Variants in TFDP2 observed in about 807,000 individuals in gnomAD.
TFDP2 encodes transcription factor Dp-2.
Under a neutral mutation model 59.3 loss-of-function variants are expected in TFDP2, and 17 were observed. That is an observed-to-expected ratio of 0.29 (90% CI 0.20 to 0.43). The LOEUF (loss-of-function observed/expected upper bound fraction) is 0.43. Ranked by LOEUF, TFDP2 falls within the 20% of genes least tolerant of loss-of-function variation. The pLI is 1.00. For synonymous variants in TFDP2, 180 were observed against 194.7 expected (o/e 0.92, Z 0.63); for missense variants, 391 against 528.8 (o/e 0.74, Z 2.56).
chr3:141,963,891 T>C lies in TFDP2; in HGVS notation c.805A>G (p.Asn269Asp). The change falls in exon 10 of 13, where the codon AAC becomes GAC. Residue 269 changes from asparagine to aspartate, a missense_variant. Coordinates refer to ENST00000489671, the MANE Select transcript of TFDP2 (RefSeq NM_001178139.2). Reference sequence around the variant, plus strand: ...ATGAATGGCAGCTGAATGGTAGAGTTCAGAGCCGGCGGGCCCTGGTTTTGC... The same window carrying C: ...ATGAATGGCAGCTGAATGGTAGAGTCCAGAGCCGGCGGGCCCTGGTTTTGC... ...EQQNQGPPAL[N>D]STIQLPFIII... 1 of 1,613,858 alleles carries C rather than the reference T, an allele frequency of 6.2e-7. No individual in the cohort carries two copies. Among genetic ancestry groups the C allele is most frequent in the Non-Finnish European group, 8.5e-7 (1 of 1,179,996 alleles).
rs546764929 is a variant in TFDP2 at position 142,064,718 on chromosome 3, T to TA, written c.82+28342dup. ...AAGTGTCACTGGATGTTATCCAATG[T>TA]AAAACAACGTCACTGAAAAAAGGGA... On this transcript the variant is annotated intron_variant, in intron 3 of 12. Transcript: ENST00000489671. 3.9e-3 allele frequency among the ~76,000 whole-genome samples: 594 copies of TA among 152,268 alleles called. 1 individual carries two copies. The highest frequency in any genetic ancestry group is 0.014 in the African/African-American group (562 of 41,538).
chr3:141,949,143 A>G lies in TFDP2; in HGVS notation c.*3370T>C, dbSNP rs916536672. ...GATAGGAGCTACCTTGTTTTCAAGG[A>G]CTGACTCTGGCATTATTTTTCAAAT... On this transcript the variant is annotated 3_prime_UTR_variant, in exon 13 of 13. Coordinates refer to ENST00000489671, the MANE Select transcript of TFDP2 (RefSeq NM_001178139.2). The G allele has an allele frequency of 1.3e-5, 2 of 151,880 alleles. No individual in the cohort carries two copies. The highest frequency in any genetic ancestry group is 4.1e-4 in the South Asian group (2 of 4,824). 9.4% of individuals were successfully genotyped at this position (151,880 alleles called of 1,614,324 possible).
chr3:141,968,374 C>T (rs1347068350), intron 9 of TFDP2, among the ~76,000 whole-genome samples: 2 of 98,686 alleles, frequency 2.0e-5, no homozygotes, highest in East Asian at 2.7e-4. Flanking sequence ...TCATATATAA[C>T]ATATATCTCA....
chr3:142,014,809 C>T (rs1303480297), intron 3 of TFDP2, among the ~76,000 whole-genome samples: 1 of 152,144 alleles, frequency 6.6e-6, no homozygotes, highest in Non-Finnish European at 1.5e-5. Context: ...TTTCTTCCAT[C>T]TCAAAAACAA....
chr3:142,071,250 G>A (rs544531343), intron 3 of TFDP2, among the ~76,000 whole-genome samples: 2 of 151,818 alleles, frequency 1.3e-5, no homozygotes, highest in South Asian at 4.2e-4. Context: ...TCTGCCTCCT[G>A]GGTTCAAGCG....
At chr3:141,969,756 C>T (rs1307382416) in intron 9 of TFDP2, among the ~76,000 whole-genome samples, 2 of 152,132 alleles carry the variant, frequency 1.3e-5, no homozygotes, top group Non-Finnish European at 2.9e-5. Context: ...ATTCCAAATT[C>T]GGGCTAAAAT....
intron 3 of TFDP2, among the ~76,000 whole-genome samples, chr3:142,042,638 T>TC (rs1179636154): frequency 2.0e-5 from 3 of 148,498 alleles, no homozygotes; most frequent in Non-Finnish European, 3.0e-5. Context: ...TTCTTTTTTT[T>TC]TTTTTTTTTT....
intron 3 of TFDP2, among the ~76,000 whole-genome samples, chr3:142,043,416 T>A (rs911582775): frequency 1.3e-5 from 2 of 151,376 alleles, no homozygotes; most frequent in African/African-American, 4.9e-5. Context: ...CAGGCTGGAG[T>A]GCAGTGGTGC....
intron 3 of TFDP2, among the ~76,000 whole-genome samples, chr3:142,040,252 T>C (rs576223242): frequency 6.6e-6 from 1 of 152,320 alleles, no homozygotes; most frequent in African/African-American, 2.4e-5. Flanking sequence ...TTTCTCATCA[T>C]TAAACTGGAA....
intron 2 of TFDP2, among the ~76,000 whole-genome samples, chr3:142,100,849 G>T (rs941613258): frequency 3.3e-5 from 5 of 152,180 alleles, no homozygotes; most frequent in Non-Finnish European, 5.9e-5. Context: ...TGAGAGAGAT[G>T]AGAAATGAAA....
chr3:142,149,156 G>A (rs1310072752), intron 1 of TFDP2, 27 bp downstream of exon 1: 4 of 397,720 alleles, frequency 1.0e-5, no homozygotes, highest in Non-Finnish European at 1.8e-5. Flanking sequence ...TCCGCGCGCG[G>A]GCCCGCGCCC....
chr3:142,059,352 A>C (rs940498615), intron 3 of TFDP2, among the ~76,000 whole-genome samples: 1 of 152,190 alleles, frequency 6.6e-6, no homozygotes, highest in African/African-American at 2.4e-5. Flanking sequence ...GGAATAAAAA[A>C]AAATCAAGAA....
At chr3:142,043,203 C>A (rs1322411887) in intron 3 of TFDP2, among the ~76,000 whole-genome samples, 1 of 151,488 alleles carries the variant, frequency 6.6e-6, no homozygotes, top group East Asian at 2.0e-4. Flanking sequence ...CCTGCCACCA[C>A]GCCCGGCTAA....
intron 6 of TFDP2, among the ~76,000 whole-genome samples, chr3:141,981,957 A>C (rs1941529208): frequency 6.6e-6 from 1 of 152,168 alleles, no homozygotes; most frequent in Non-Finnish European, 1.5e-5. Flanking sequence ...TCTAGAAAGA[A>C]GGGTCATTTA....
intron 10 of TFDP2, among the ~76,000 whole-genome samples, chr3:141,961,816 C>T (rs1400807830): frequency 6.6e-6 from 1 of 152,120 alleles, no homozygotes; most frequent in African/African-American, 2.4e-5. Flanking sequence ...TGTGCACCTG[C>T]AGTCCTGGCT....
At chr3:142,042,314 A>G (rs1947017914) in intron 3 of TFDP2, among the ~76,000 whole-genome samples, 1 of 149,284 alleles carries the variant, frequency 6.7e-6, no homozygotes, top group South Asian at 2.1e-4. Flanking sequence ...TTTTTTTGAG[A>G]TGAAGTCTCG....
At chr3:142,105,277 A>G (rs1343701449) in intron 1 of TFDP2, among the ~76,000 whole-genome samples, 1 of 152,184 alleles carries the variant, frequency 6.6e-6, no homozygotes, top group Non-Finnish European at 1.5e-5. Flanking sequence ...CCTACCCAAT[A>G]TCATTTTCCT....
intron 1 of TFDP2, chr3:142,126,186 T>C (rs1180577849): frequency 6.7e-5 from 10 of 150,296 alleles, no homozygotes; most frequent in Non-Finnish European, 1.3e-4. Flanking sequence ...CTTTTCTTTT[T>C]TTTTTTTTTT....
chr3:141,993,311 A>G (rs1015389277), intron 6 of TFDP2, among the ~76,000 whole-genome samples: 15 of 152,340 alleles, frequency 9.8e-5, no homozygotes, highest in Middle Eastern at 3.4e-3. Context: ...GAGAGACTAA[A>G]GGACATACTA....
Sources: allele counts gnomAD v4.1 joint callset (sites outside exome capture counted in the v4.1 genomes callset), GRCh38; gene constraint gnomAD v4.1.1; transcripts MANE v1.5; gene names NCBI Gene and HGNC (gene_info 2026-07-23, HGNC 2026-07-21).